MTA3: variants seen among roughly 807,000 people sequenced by gnomAD.
The protein encoded by MTA3 is metastasis associated 1 family member 3, also known as metastasis-associated protein MTA3.
Under a neutral mutation model 83.5 loss-of-function variants are expected in MTA3, and 34 were observed. The observed-to-expected ratio is 0.41, with a 90% CI of 0.31 to 0.54. The LOEUF (loss-of-function observed/expected upper bound fraction) is 0.54, where lower values mean the gene tolerates loss of function less well. Among genes scored for constraint, MTA3 ranks in the 20% least tolerant of loss-of-function variants. MTA3 has a pLI of 0.33. For synonymous variants in MTA3, 303 were observed against 252.7 expected, an observed-to-expected ratio of 1.20 and a Z score of -1.89; for missense variants, 761 against 726.4, an observed-to-expected ratio of 1.05 and a Z score of -0.55.
At chr2:42,629,969 A>G (rs150854957) in intron 4 of MTA3, among the ~76,000 whole-genome samples, 2,032 of 152,210 alleles carry the variant, frequency 0.013, 49 homozygotes, top group South Asian at 0.084. Flanking sequence ...TTTAGTAGAC[A>G]TGGGGTTTCA....
At chr2:42,651,757 G>A (rs544861238) in intron 6 of MTA3, among the ~76,000 whole-genome samples, 5 of 150,746 alleles carry the variant, frequency 3.3e-5, no homozygotes, top group African/African-American at 9.8e-5. Context: ...GTGGTTGTCC[G>A]CCACTGTACT....
chr2:42,708,895 G>C lies in MTA3; in HGVS notation c.1324G>C (p.Val442Leu). 2 of 1,613,956 alleles carry C rather than the reference G, an allele frequency of 1.2e-6. No individual in the cohort carries two copies. Among genetic ancestry groups the C allele is most frequent in the Non-Finnish European group, 1.7e-6 (2 of 1,179,884 alleles). The change falls in exon 14 of 17, where the codon GTG becomes CTG. Residue 442 changes from valine (V) to leucine (L), a missense_variant. Transcript: ENST00000405094. ...GCAGGACCCTCGTGTTAGAAGTCACGTGTCCCGCCAGGCCATGCAGGGAAT... is the reference window on the plus strand; with the variant it reads ...GCAGGACCCTCGTGTTAGAAGTCACCTGTCCCGCCAGGCCATGCAGGGAAT... Reference protein sequence around the residue: ...TTEDPRVRSHVSRQAMQGMPV... With the variant: ...TTEDPRVRSHLSRQAMQGMPV...
intron 5 of MTA3, among the ~76,000 whole-genome samples, chr2:42,643,677 T>C (rs1687906411): frequency 1.3e-5 from 2 of 152,220 alleles, no homozygotes; most frequent in Non-Finnish European, 2.9e-5. Context: ...ATGTATACTT[T>C]TTAATCTTTT....
intron 2 of MTA3, among the ~76,000 whole-genome samples, chr2:42,509,550 G>A (rs1674800854): frequency 6.6e-6 from 1 of 151,936 alleles, no homozygotes; most frequent in Non-Finnish European, 1.5e-5. Flanking sequence ...TGGGTGGCTT[G>A]CTTGAACCCA....
Position 42,697,803 on chromosome 2 carries a change from A to G in MTA3, c.994A>G (p.Ser332Gly). 6.5e-7 allele frequency: 1 copy of G among 1,545,722 alleles called. No individual in the cohort carries two copies. Among genetic ancestry groups the G allele is most frequent in the Non-Finnish European group, 8.7e-7 (1 of 1,147,746 alleles). ...QKRLKAAEAE[S>G]KLKQVYIPTY... ...ACGTCTAAAAGCAGCAGAAGCTGAGAGTAAACTGAAACAAGTATATATCCC... is the reference window on the plus strand; with the variant it reads ...ACGTCTAAAAGCAGCAGAAGCTGAGGGTAAACTGAAACAAGTATATATCCC... The change falls in exon 11 of 17, where the codon AGT becomes GGT. Residue 332 changes from serine (S) to glycine (G), a missense_variant. Physicochemically the swap from Ser to Gly is moderately conservative, Grantham distance 56. Transcript: ENST00000405094.
intron 8 of MTA3, 118 bp from the exon 9 acceptor site, chr2:42,682,283 A>C: frequency 1.4e-6 from 1 of 718,876 alleles, no homozygotes; most frequent in South Asian, 3.4e-5. Flanking sequence ...AATTTTGTTA[A>C]AAAATAAATA....
At chr2:42,609,641 ACTT>A in intron 4 of MTA3, 57 bp downstream of exon 4, 2 of 1,522,446 alleles carry the variant, frequency 1.3e-6, no homozygotes. Flanking sequence ...AAAACAAAAG[ACTT>A]CTTTGAAGCG....
rs1457920388 is a variant in MTA3 at position 42,644,113 on chromosome 2, G to C, written c.382-14G>C. 1 of 1,505,502 alleles carries C rather than the reference G, an allele frequency of 6.6e-7. No homozygotes were observed. The highest frequency in any genetic ancestry group is 2.3e-5 in the East Asian group (1 of 43,572). The allele number at this position is 1,505,502 out of a possible 1,614,324, so 93.3% of individuals were successfully genotyped here. ...GGAATTAAGTATACCTATGTATTTT[G>C]TCATATTTTTCAGGATACCTTCTTC... On this transcript the variant is annotated splice_polypyrimidine_tract_variant and intron_variant, in intron 5 of 16. Coordinates refer to ENST00000405094, the MANE Select transcript of MTA3 (RefSeq NM_001330442.2).
chr2:42,735,916 A>G (rs891844540), intron 16 of MTA3, among the ~76,000 whole-genome samples: 2 of 152,046 alleles, frequency 1.3e-5, no homozygotes, highest in African/African-American at 2.4e-5. Flanking sequence ...ACATATCTCC[A>G]TCTCTCTGGG....
intron 2 of MTA3, among the ~76,000 whole-genome samples, chr2:42,505,291 C>T (rs1249887742): frequency 6.6e-6 from 1 of 152,112 alleles, no homozygotes; most frequent in Non-Finnish European, 1.5e-5. Context: ...ACTCAGGAGG[C>T]TGAAGCAGGA....
intron 2 of MTA3, among the ~76,000 whole-genome samples, chr2:42,524,896 G>A (rs1270455246): frequency 2.7e-5 from 4 of 148,658 alleles, no homozygotes; most frequent in African/African-American, 2.5e-5. Context: ...GCATCCTGGC[G>A]GGGACCGAAT....
chr2:42,711,814 G>GTGTGTGTGTGTGTGT (rs1186845184), intron 14 of MTA3, among the ~76,000 whole-genome samples: 3 of 151,804 alleles, frequency 2.0e-5, no homozygotes, highest in Admixed American at 6.6e-5. Flanking sequence ...GTGTGTGTGT[G>GTGTGTGTGTGTGTGT]TTTTCCAGTA....
At chr2:42,728,097 C>T (rs959219092) in intron 16 of MTA3, among the ~76,000 whole-genome samples, 5 of 152,264 alleles carry the variant, frequency 3.3e-5, no homozygotes, top group African/African-American at 1.2e-4. Context: ...CCTCCTACCA[C>T]TATCCTTCCT....
chr2:42,733,666 ATTG>A (rs1480611662), intron 16 of MTA3, among the ~76,000 whole-genome samples: 2 of 151,594 alleles, frequency 1.3e-5, no homozygotes. Flanking sequence ...TGTTTTTGTT[ATTG>A]TTGTTGTTTT....
chr2:42,621,815 G>GGGGTCGTGGCC (rs1322819459), intron 4 of MTA3, among the ~76,000 whole-genome samples: 1 of 151,974 alleles, frequency 6.6e-6, no homozygotes, highest in African/African-American at 2.4e-5. Context: ...CCTCCCAGAC[G>GGGGTCGTGGCC]GGGTCGTGGC....
intron 3 of MTA3, among the ~76,000 whole-genome samples, chr2:42,590,478 C>T (rs1436194113): frequency 6.6e-6 from 1 of 152,138 alleles, no homozygotes; most frequent in African/African-American, 2.4e-5. Context: ...TGCAGATGCC[C>T]AGTCATAAAC....
At chr2:42,613,114 T>C (rs1684426562) in intron 4 of MTA3, among the ~76,000 whole-genome samples, 1 of 152,212 alleles carries the variant, frequency 6.6e-6, no homozygotes, top group Admixed American at 6.6e-5. Context: ...TATTAAAATA[T>C]AATTATCAAG....
intron 2 of MTA3, among the ~76,000 whole-genome samples, chr2:42,496,043 T>C (rs13386811): frequency 0.15 from 22,833 of 152,222 alleles, 2,102 homozygotes; most frequent in Middle Eastern, 0.22. Flanking sequence ...TCACAAGCAA[T>C]AGAAGACAGA....
chr2:42,678,514 A>G (rs1691584149), intron 8 of MTA3, among the ~76,000 whole-genome samples: 1 of 151,830 alleles, frequency 6.6e-6, no homozygotes, highest in African/African-American at 2.4e-5. Flanking sequence ...ATTTTTGTAG[A>G]GACAGAGTTT....
Sources: gnomAD v4.1 joint callset for allele counts (sites outside exome capture counted in the v4.1 genomes callset) on GRCh38, gnomAD v4.1.1 for gene constraint, MANE v1.5 for transcripts, NCBI Gene and HGNC (gene_info 2026-07-23, HGNC 2026-07-21) for gene names.